RLF: variants seen among roughly 807,000 people sequenced by gnomAD.
RLF encodes zinc finger protein Rlf.
A neutral mutation model predicts 162.9 loss-of-function variants in RLF; 7 were observed. The ratio of observed to expected loss-of-function variants is 0.04; its 90% CI spans 0.02 to 0.08. RLF has a LOEUF of 0.08. Among genes scored for constraint, RLF ranks in the 10% least tolerant of loss-of-function variants. The pLI is 1.00. For synonymous variants in RLF, 782 were observed against 791.5 expected, an observed-to-expected ratio of 0.99 and a Z score of 0.20; for missense variants, 1,664 against 2,244.7, an observed-to-expected ratio of 0.74 and a Z score of 5.23.
chr1:40,200,980 C>G (rs1033245159), intron 4 of RLF, among the ~76,000 whole-genome samples: 1 of 121,368 alleles, frequency 8.2e-6, no homozygotes, highest in South Asian at 2.9e-4. Flanking sequence ...TCTACACACA[C>G]ACACCCCAGT....
chr1:40,224,623 C>CTTTTT (rs1168908018), intron 6 of RLF, among the ~76,000 whole-genome samples: 41 of 33,258 alleles, frequency 1.2e-3, no homozygotes, highest in East Asian at 1.4e-3. Flanking sequence ...TTTTTGAAAG[C>CTTTTT]TTTTTTTTTT....
At chr1:40,189,291 C>A in intron 2 of RLF, 82 bp downstream of exon 2, 1 of 1,133,278 alleles carries the variant, frequency 8.8e-7, no homozygotes, top group Admixed American at 2.0e-5. Context: ...ACAGTGGCAT[C>A]ACATTTATTC....
In RLF at chr1:40,240,621, C is replaced by T. The variant is rs1643280844; in HGVS notation, c.*174C>T. On this transcript the variant is annotated 3_prime_UTR_variant, in exon 8 of 8. Coordinates refer to ENST00000372771, the MANE Select transcript of RLF (RefSeq NM_012421.4). The stretch of plus-strand genomic sequence containing the variant: ...AGTATTGGCTGAGTCCATTAGCTCT[C>T]CAGTTGGTTTAATGATTGGGTTTAT... 3.6e-6 allele frequency: 2 copies of T among 561,424 alleles called. No homozygotes were observed. The highest frequency in any genetic ancestry group is 6.3e-6 in the Non-Finnish European group (2 of 316,920). The allele number at this position is 561,424 out of a possible 1,614,324, so 34.8% of individuals were successfully genotyped here. A position where few individuals can be genotyped will look rare whatever the true frequency, so the allele number is the denominator to read the frequency against.
chr1:40,181,371 A>G (rs1389140192), intron 1 of RLF, among the ~76,000 whole-genome samples: 1 of 152,188 alleles, frequency 6.6e-6, no homozygotes, highest in African/African-American at 2.4e-5. Context: ...TGGAGGTTGC[A>G]TTGAGCCGAG....
chr1:40,189,072 A>G lies in RLF; in HGVS notation c.255A>G (p.Ala85=), dbSNP rs764131005. ...RSFCQTLLQY[A]SNKNASEHIV... ...TTTTGTAGACCTTATTGCAATATGC[A>G]AGCAACAAGAATGCATCAGAACATA... Residue 85 remains alanine (A), a synonymous_variant, in exon 2 of 8, where the codon GCA becomes GCG. Transcript: ENST00000372771. 3 of 1,597,876 alleles carry G rather than the reference A, an allele frequency of 1.9e-6. No homozygotes were observed. Among genetic ancestry groups the G allele is most frequent in the Non-Finnish European group, 2.6e-6 (3 of 1,170,872 alleles).
chr1:40,163,108 A>G (rs954041750), intron 1 of RLF, among the ~76,000 whole-genome samples: 20 of 150,756 alleles, frequency 1.3e-4, no homozygotes, highest in African/African-American at 4.5e-4. Context: ...GGGAAAGACA[A>G]TTAACTAGAA....
rs764995089 is a variant in RLF at position 40,237,743 on chromosome 1, C to T, written c.3041C>T (p.Pro1014Leu). ...TTEKLDAEPK[P>L]CSDTNSDSPD... Reference sequence around the variant, plus strand: ...GAAAAGTTGGATGCAGAACCTAAACCCTGCTCAGATACAAACAGTGACTCC... The same window carrying T: ...GAAAAGTTGGATGCAGAACCTAAACTCTGCTCAGATACAAACAGTGACTCC... The change falls in exon 8 of 8, where the codon CCC (proline) becomes CTC (leucine). Residue 1014 changes from proline to leucine, a missense_variant. Pro to Leu is a moderately conservative substitution (Grantham distance 98). Transcript: ENST00000372771. This position sits in a 1 kb window ranked among gnomAD's most constrained non-coding sequence, Gnocchi z 4.4. 1.2e-6 allele frequency: 2 copies of T among 1,614,036 alleles called. No homozygotes were observed. Among genetic ancestry groups the T allele is most frequent in the Non-Finnish European group, 8.5e-7 (1 of 1,179,992 alleles).
At chr1:40,185,137 G>A (rs1307346788) in intron 1 of RLF, among the ~76,000 whole-genome samples, 1 of 152,016 alleles carries the variant, frequency 6.6e-6, no homozygotes, top group Non-Finnish European at 1.5e-5. Context: ...AGCTACTCAG[G>A]AGGCTGAGGT....
chr1:40,220,963 C>T (rs1195491307), intron 5 of RLF, among the ~76,000 whole-genome samples: 1 of 88,640 alleles, frequency 1.1e-5, no homozygotes, highest in Non-Finnish European at 2.3e-5. Flanking sequence ...CTCATCTCTA[C>T]AAAAATTAAA....
chr1:40,219,885 G>T (rs1642969594), intron 5 of RLF, among the ~76,000 whole-genome samples: 1 of 152,214 alleles, frequency 6.6e-6, no homozygotes, highest in East Asian at 1.9e-4. Flanking sequence ...GTTTAGGCCA[G>T]TGCAGGAGCA....
intron 1 of RLF, among the ~76,000 whole-genome samples, chr1:40,164,238 T>C (rs1383432519): frequency 6.6e-6 from 1 of 152,248 alleles, no homozygotes; most frequent in Non-Finnish European, 1.5e-5. Flanking sequence ...AGAAATGTCC[T>C]AGAGACTTAG....
intron 5 of RLF, among the ~76,000 whole-genome samples, chr1:40,211,202 T>A (rs1442863587): frequency 1.3e-5 from 2 of 152,222 alleles, no homozygotes. Flanking sequence ...AGAATTAAAT[T>A]TTCCAGTCTA....
chr1:40,221,961 A>G (rs1643005275), intron 5 of RLF, among the ~76,000 whole-genome samples: 1 of 150,902 alleles, frequency 6.6e-6, no homozygotes, highest in African/African-American at 2.4e-5. Flanking sequence ...TGATTTGTCC[A>G]GAGGATTTTT....
Position 40,240,215 on chromosome 1 carries a change from A to G in RLF, c.5513A>G (p.Glu1838Gly). Residue 1838 changes from glutamate (E) to glycine (G), a missense_variant, in exon 8 of 8, where the codon GAG becomes GGG. By Grantham distance (98) the Glu-to-Gly change is moderately conservative. Transcript: ENST00000372771. ...PHSSSDSTIH[E>G]NLTAIPPLIV... ...TCTTCCAGTGACTCTACAATTCATG[A>G]GAACCTGACTGCAATCCCACCTTTA... The G allele has an allele frequency of 6.2e-7, 1 of 1,614,202 alleles. No individual in the cohort carries two copies. The highest frequency in any genetic ancestry group is 8.5e-7 in the Non-Finnish European group (1 of 1,180,028).
chr1:40,225,079 TAAG>T (rs1004499094), intron 6 of RLF, among the ~76,000 whole-genome samples: 3 of 152,166 alleles, frequency 2.0e-5, no homozygotes, highest in African/African-American at 4.8e-5. Context: ...TAGTGGGACA[TAAG>T]GAGTATTTGT....
intron 5 of RLF, among the ~76,000 whole-genome samples, chr1:40,204,035 T>TC (rs375325037): frequency 4.2e-4 from 46 of 109,222 alleles, no homozygotes; most frequent in African/African-American, 2.3e-3. Context: ...GTCCTCTCTC[T>TC]TTTTTTTTTT....
intron 5 of RLF, among the ~76,000 whole-genome samples, chr1:40,221,383 T>A (rs1047117317): frequency 2.0e-5 from 3 of 151,464 alleles, no homozygotes; most frequent in African/African-American, 4.9e-5. Flanking sequence ...TAGAAATAAG[T>A]GCTACAAAGG....
intron 4 of RLF, among the ~76,000 whole-genome samples, chr1:40,201,588 G>A (rs1012566155): frequency 2.8e-5 from 4 of 145,282 alleles, no homozygotes; most frequent in Non-Finnish European, 4.5e-5. Context: ...ATCGCGCCAC[G>A]GCACTCCAGC....
chr1:40,167,282 T>A (rs12724048), intron 1 of RLF, among the ~76,000 whole-genome samples: 13,676 of 152,212 alleles, frequency 0.09, 697 homozygotes, highest in South Asian at 0.15. Flanking sequence ...CTTACCTCTT[T>A]CATATATTTC....
Sources: gnomAD v4.1 joint callset for allele counts (sites outside exome capture counted in the v4.1 genomes callset) on GRCh38, gnomAD v4.1.1 for gene constraint, Gnocchi (gnomAD v3.1) non-coding constraint, MANE v1.5 for transcripts, NCBI Gene and HGNC (gene_info 2026-07-23, HGNC 2026-07-21) for gene names.